CSMD1: variants seen among roughly 807,000 people sequenced by gnomAD.
CSMD1 encodes CUB and Sushi multiple domains 1.
In CSMD1, 213 loss-of-function variants were observed where a neutral mutation model predicts 417.5. That is an observed-to-expected ratio of 0.51 (90% confidence interval 0.46 to 0.57). The LOEUF is 0.57. Among genes scored for constraint, CSMD1 ranks in the 20% least tolerant of loss-of-function variants. The pLI is 0.00. For missense variants in CSMD1, 6,923 were observed against 4,529.7 expected, an observed-to-expected ratio of 1.53 and a Z score of -15.17; for synonymous variants, 2,862 against 1,736.8, an observed-to-expected ratio of 1.65 and a Z score of -16.11.
At position 4,351,804 on chromosome 8, in the gene CSMD1, C is replaced by G. The variant is rs10110154; in HGVS notation, c.415+68149G>C. Among the ~76,000 whole-genome samples the G allele has an allele frequency of 1.8e-3, 271 of 152,244 alleles. 1 individual carries two copies. The highest frequency in any genetic ancestry group is 6.3e-3 in the African/African-American group (262 of 41,560). ...ATTTTGTGCACTTGGAATCCAGCAT[C>G]TCAAAAGGAGCAGAGCAACACACCA... On this transcript the variant is annotated intron_variant, in intron 3 of 69. Coordinates refer to ENST00000635120, the MANE Select transcript of CSMD1 (RefSeq NM_033225.6).
intron 47 of CSMD1, among the ~76,000 whole-genome samples, chr8:3,096,351 G>A (rs770031123): frequency 4.0e-5 from 6 of 151,486 alleles, no homozygotes; most frequent in Non-Finnish European, 7.4e-5. Context: ...ATTGAATCAT[G>A]TGGGTGGGTC....
chr8:3,298,385 A>T (rs991271111), intron 25 of CSMD1, among the ~76,000 whole-genome samples: 5 of 152,216 alleles, frequency 3.3e-5, no homozygotes, highest in Admixed American at 1.3e-4. Flanking sequence ...ATCAGGAAAT[A>T]TCTAACGGTA....
chr8:3,932,292 T>G (rs1166668886), intron 5 of CSMD1, among the ~76,000 whole-genome samples: 1 of 150,662 alleles, frequency 6.6e-6, no homozygotes, highest in South Asian at 2.1e-4. Context: ...CAAGAAGTTT[T>G]GTTGCTCAGT....
intron 7 of CSMD1, among the ~76,000 whole-genome samples, chr8:3,677,412 A>G (rs1407883621): frequency 5.3e-5 from 8 of 152,188 alleles, no homozygotes. Flanking sequence ...AGGCCAATGC[A>G]TGGGAAACAA....
chr8:3,239,063 C>G (rs928329985), intron 26 of CSMD1, among the ~76,000 whole-genome samples: 1 of 152,092 alleles, frequency 6.6e-6, no homozygotes, highest in African/African-American at 2.4e-5. Context: ...TTTAAATGGG[C>G]TATACCCTGT....
chr8:4,764,880 A>AAAAAACAAAAAAAAAAACAAAACAAAC (rs1812344213), intron 1 of CSMD1, among the ~76,000 whole-genome samples: 1 of 50,768 alleles, frequency 2.0e-5, no homozygotes, highest in African/African-American at 8.1e-5. Context: ...CTCAAAAAAA[A>AAAAAACAAAAAAAAAAACAAAACAAAC]AAAAAAAAAA....
intron 3 of CSMD1, among the ~76,000 whole-genome samples, chr8:4,387,758 C>G (rs1221359990): frequency 6.6e-6 from 1 of 151,952 alleles, no homozygotes; most frequent in East Asian, 1.9e-4. Context: ...ATTCAAAAAT[C>G]CTATCTGAAG....
intron 5 of CSMD1, among the ~76,000 whole-genome samples, chr8:3,815,037 G>T (rs4515572): frequency 6.6e-6 from 1 of 152,060 alleles, no homozygotes; most frequent in Non-Finnish European, 1.5e-5. Context: ...AATGGTAGAA[G>T]AGGCACATGA....
chr8:3,452,677 A>G (rs1172216895), intron 12 of CSMD1, among the ~76,000 whole-genome samples: 2 of 152,190 alleles, frequency 1.3e-5, no homozygotes, highest in African/African-American at 2.4e-5. Context: ...CCACTTGATC[A>G]TGGTGGATAA....
chr8:4,274,954 C>T (rs1435406671), intron 3 of CSMD1, among the ~76,000 whole-genome samples: 1 of 152,158 alleles, frequency 6.6e-6, no homozygotes, highest in Admixed American at 6.5e-5. Flanking sequence ...GAGCCATCAA[C>T]AAACATGCTT....
intron 5 of CSMD1, among the ~76,000 whole-genome samples, chr8:3,915,542 G>A (rs754429996): frequency 6.6e-6 from 1 of 151,434 alleles, no homozygotes; most frequent in Non-Finnish European, 1.5e-5. Context: ...TCAAATTCTA[G>A]CTTTAAACAC....
chr8:4,932,190 C>T (rs992574688), intron 1 of CSMD1, among the ~76,000 whole-genome samples: 1 of 151,126 alleles, frequency 6.6e-6, no homozygotes, highest in African/African-American at 2.4e-5. Flanking sequence ...ATAATTAAAA[C>T]TGTAAACTTT....
chr8:3,698,510 G>C (rs1445919001), intron 7 of CSMD1, among the ~76,000 whole-genome samples: 2 of 152,230 alleles, frequency 1.3e-5, no homozygotes, highest in African/African-American at 2.4e-5. Context: ...CTTAGTGCTA[G>C]AAATCTGGCA....
chr8:3,839,562 T>C (rs1248880696), intron 5 of CSMD1, among the ~76,000 whole-genome samples: 1 of 130,916 alleles, frequency 7.6e-6, no homozygotes, highest in Non-Finnish European at 1.6e-5. Context: ...TATATTATAA[T>C]ATATAATATT....
chr8:4,151,592 T>C (rs369740651), intron 3 of CSMD1, among the ~76,000 whole-genome samples: 1 of 152,194 alleles, frequency 6.6e-6, no homozygotes, highest in East Asian at 1.9e-4. Flanking sequence ...CCTTGTCAGA[T>C]ATGTTTCTCA....
chr8:3,209,902 G>C (rs1227440031), intron 30 of CSMD1, among the ~76,000 whole-genome samples: 3 of 152,082 alleles, frequency 2.0e-5, no homozygotes, highest in Admixed American at 6.6e-5. Flanking sequence ...ACCAAATTGA[G>C]TAAACAAAAC....
At chr8:4,886,899 T>TA (rs1208537090) in intron 1 of CSMD1, among the ~76,000 whole-genome samples, 1 of 152,062 alleles carries the variant, frequency 6.6e-6, no homozygotes, top group African/African-American at 2.4e-5. Flanking sequence ...TAAGACTTTT[T>TA]AAAAATATTT....
At chr8:4,732,051 T>A (rs1809911780) in intron 1 of CSMD1, among the ~76,000 whole-genome samples, 1 of 152,164 alleles carries the variant, frequency 6.6e-6, no homozygotes, top group South Asian at 2.1e-4. Context: ...CCCATGCCCG[T>A]AGCTTTACAT....
chr8:3,306,531 GATTC>G (rs1804862220), intron 25 of CSMD1, among the ~76,000 whole-genome samples: 1 of 152,150 alleles, frequency 6.6e-6, no homozygotes, highest in African/African-American at 2.4e-5. Flanking sequence ...CAGCTGGGCT[GATTC>G]ATTTAGTCTT....
Sources: gnomAD v4.1 joint callset for allele counts (sites outside exome capture counted in the v4.1 genomes callset) on GRCh38, gnomAD v4.1.1 for gene constraint, MANE v1.5 for transcripts, NCBI Gene and HGNC (gene_info 2026-07-23, HGNC 2026-07-21) for gene names.